The following TMEM116 variants were observed in gnomAD, a reference collection of about 807,000 sequenced individuals.
TMEM116 encodes transmembrane protein 116.
In TMEM116, 38 loss-of-function variants were observed where a neutral mutation model predicts 44.3. The observed-to-expected ratio is 0.86, with a 90% CI of 0.66 to 1.12. The LOEUF (loss-of-function observed/expected upper bound fraction) is 1.12, where lower values mean the gene tolerates loss of function less well. Among genes scored for constraint, TMEM116 ranks in the 50% most tolerant of loss-of-function variants. The pLI is 0.00. For missense variants in TMEM116, 354 were observed against 401.7 expected (o/e 0.88, Z 1.01); for synonymous variants, 132 against 144.8 (o/e 0.91, Z 0.64).
chr12:112,008,027 ATC>A (rs1477657093), intron 1 of TMEM116, among the ~76,000 whole-genome samples: 7 of 152,132 alleles, frequency 4.6e-5, no homozygotes, highest in African/African-American at 1.7e-4. Flanking sequence ...GTTTTCCTTT[ATC>A]TCTTTTTAGC....
intron 3 of TMEM116, among the ~76,000 whole-genome samples, chr12:112,002,819 A>G (rs1290461722): frequency 6.6e-6 from 1 of 152,164 alleles, no homozygotes; most frequent in Non-Finnish European, 1.5e-5. Context: ...ATAAAACCCA[A>G]TGGCATTTTC....
intron 4 of TMEM116, among the ~76,000 whole-genome samples, chr12:111,962,172 C>G (rs890968743): frequency 6.6e-6 from 1 of 152,056 alleles, no homozygotes; most frequent in Non-Finnish European, 1.5e-5. Flanking sequence ...AGAGAGGACA[C>G]AAATAAATGG....
In TMEM116 at chr12:111,937,153, TACTTACTTGTGGCTCTG is replaced by T. The variant is rs1214416688; in HGVS notation, c.439_449+6del. 1 of 1,606,332 alleles carries T rather than the reference TACTTACTTGTGGCTCTG, an allele frequency of 6.2e-7. No individual in the cohort carries two copies. The highest frequency in any genetic ancestry group is 1.7e-5 in the Admixed American group (1 of 60,018). On this transcript the variant is annotated splice_donor_variant and splice_donor_5th_base_variant and coding_sequence_variant and intron_variant, in exon 7 of 11. Coordinates refer to ENST00000552374, the MANE Select transcript of TMEM116 (RefSeq NM_001193531.2). LOFTEE classifies it high-confidence loss of function. Reference sequence around the variant, plus strand: ...CCATGAAAATTATACATTTAGTTCTTACTTACTTGTGGCTCTGACTGAAGTTTTGGAAACATTCACTA... The same window carrying T: ...CCATGAAAATTATACATTTAGTTCTTACTGAAGTTTTGGAAACATTCACTA...
At chr12:111,983,548 G>T (rs7313892) in intron 4 of TMEM116, among the ~76,000 whole-genome samples, 29,693 of 151,918 alleles carry the variant, frequency 0.2, 3,119 homozygotes, top group African/African-American at 0.27. Context: ...AATGAGCTGT[G>T]ACTGAACCAC....
intron 9 of TMEM116, among the ~76,000 whole-genome samples, chr12:111,933,133 C>G (rs1029610016): frequency 6.6e-6 from 1 of 151,284 alleles, no homozygotes; most frequent in Non-Finnish European, 1.5e-5. Context: ...CCCAGCTACT[C>G]GGGAGGCTGA....
At position 111,966,900 on chromosome 12, in the gene TMEM116, C is replaced by CT. The variant is rs568827872; in HGVS notation, c.211-23532dup. Among the ~76,000 whole-genome samples the CT allele has an allele frequency of 1.9e-3, 284 of 152,300 alleles. 1 individual carries two copies. Among genetic ancestry groups the CT allele is most frequent in the Middle Eastern group, 0.01 (3 of 294 alleles). Reference sequence around the variant, plus strand: ...GCCTTAACAGACCAGCTTGGTCAGCCTATCTTGTCAGACAGAAGCTTATTC... The same window carrying CT: ...GCCTTAACAGACCAGCTTGGTCAGCCTTATCTTGTCAGACAGAAGCTTATTC... On this transcript the variant is annotated intron_variant, in intron 4 of 10. Coordinates refer to ENST00000552374, the MANE Select transcript of TMEM116 (RefSeq NM_001193531.2).
intron 4 of TMEM116, among the ~76,000 whole-genome samples, chr12:111,964,043 T>C (rs981578929): frequency 1.4e-5 from 2 of 147,872 alleles, no homozygotes; most frequent in Non-Finnish European, 3.0e-5. Context: ...ACAACTCCCG[T>C]TTTTTTTTTC....
chr12:111,942,796 G>T (rs1463391206), intron 5 of TMEM116, among the ~76,000 whole-genome samples: 1 of 151,956 alleles, frequency 6.6e-6, no homozygotes, highest in African/African-American at 2.4e-5. Context: ...GTGTGTGTGG[G>T]TGTGTGTATG....
At chr12:111,986,174 G>GAGGTTTGAGAGA (rs2076219928) in intron 4 of TMEM116, among the ~76,000 whole-genome samples, 2 of 151,090 alleles carry the variant, frequency 1.3e-5, no homozygotes, top group Admixed American at 1.3e-4. Flanking sequence ...TGAGCAACAC[G>GAGGTTTGAGAGA]GCAAGATCCT....
chr12:111,997,536 C>T (rs2076992003), intron 3 of TMEM116, among the ~76,000 whole-genome samples: 1 of 151,794 alleles, frequency 6.6e-6, no homozygotes, highest in African/African-American at 2.4e-5. Context: ...GCCTGAGTGG[C>T]ACAGCAAAAT....
rs1565874089 is a variant in TMEM116, at chr12:111,940,531, A to ATATATATACACACACATATATATGTGTG, written c.316-2322_316-2321insCACACATATATATGTGTGTGTATATATA. ...TACACACATATATATGTGTATATAT[A>ATATATATACACACACATATATATGTGTG]TATATATATATATACACACACACAT... On this transcript the variant is annotated intron_variant, in intron 5 of 10. Coordinates refer to ENST00000552374, the MANE Select transcript of TMEM116 (RefSeq NM_001193531.2). 1.7e-3 allele frequency among the ~76,000 whole-genome samples: 196 copies of ATATATATACACACACATATATATGTGTG among 116,646 alleles called. 10 individuals carry two copies. In the East Asian group the frequency reaches 0.1, roughly 62 times the overall value. 76.5% of individuals were successfully genotyped at this position (116,646 alleles called of 152,430 possible).
intron 4 of TMEM116, among the ~76,000 whole-genome samples, chr12:111,970,761 G>A (rs1004019461): frequency 6.6e-6 from 1 of 151,498 alleles, no homozygotes; most frequent in African/African-American, 2.4e-5. Context: ...TAATTTTTTT[G>A]TATTTTTTAG....
At chr12:111,967,769 T>C (rs1427085656) in intron 4 of TMEM116, among the ~76,000 whole-genome samples, 1 of 151,656 alleles carries the variant, frequency 6.6e-6, no homozygotes, top group African/African-American at 2.4e-5. Flanking sequence ...CAAGATGGAG[T>C]GACAGAACTG....
chr12:112,003,545 G>A, intron 3 of TMEM116: 1 of 309,880 alleles, frequency 3.2e-6, no homozygotes, highest in Non-Finnish European at 5.8e-6. Flanking sequence ...TCCAGCCTGG[G>A]TGACAGAGCA....
chr12:111,965,787 T>G lies in TMEM116; in HGVS notation c.211-22418A>C, dbSNP rs752894626. On this transcript the variant is annotated intron_variant, in intron 4 of 10. Coordinates refer to ENST00000552374, the MANE Select transcript of TMEM116 (RefSeq NM_001193531.2). ...AAAAAAAAAAATACAAAAATTAGCC[T>G]TAGCCAGGCATGGTGGCGTATGCCT... The G allele has an allele frequency of 6.7e-5, 24 of 356,078 alleles. 1 individual carries two copies. Among genetic ancestry groups the G allele is most frequent in the South Asian group, 3.4e-4 (16 of 46,414 alleles). The allele number at this position is 356,078 out of a possible 1,614,324, so 22.1% of individuals were successfully genotyped here. A position where few individuals can be genotyped will look rare whatever the true frequency, so the allele number is the denominator to read the frequency against.
At chr12:112,003,744 T>C in intron 3 of TMEM116, 56 bp downstream of exon 3, 1 of 1,486,768 alleles carries the variant, frequency 6.7e-7, no homozygotes. Flanking sequence ...CTGTTATTTG[T>C]TTCAGAGACT....
At chr12:112,003,315 T>G (rs1427501580) in intron 3 of TMEM116, among the ~76,000 whole-genome samples, 2 of 152,216 alleles carry the variant, frequency 1.3e-5, no homozygotes, top group African/African-American at 4.8e-5. Context: ...ACGCCTGTAA[T>G]CCCAGCACTT....
chr12:111,976,745 C>A (rs1055730964), intron 4 of TMEM116, among the ~76,000 whole-genome samples: 1 of 151,860 alleles, frequency 6.6e-6, no homozygotes, highest in Non-Finnish European at 1.5e-5. Context: ...CATGTAAGAA[C>A]AGATAGTTAA....
At chr12:112,003,100 A>T (rs1242979335) in intron 3 of TMEM116, among the ~76,000 whole-genome samples, 2 of 152,230 alleles carry the variant, frequency 1.3e-5, no homozygotes, top group Admixed American at 6.5e-5. Flanking sequence ...TGTTTCATAT[A>T]GCAAAGTTTT....
Sources: allele counts gnomAD v4.1 joint callset (sites outside exome capture counted in the v4.1 genomes callset), GRCh38; gene constraint gnomAD v4.1.1; transcripts MANE v1.5; gene names NCBI Gene and HGNC (gene_info 2026-07-23, HGNC 2026-07-21).